NPAS1: variants seen among roughly 807,000 people sequenced by gnomAD.
NPAS1 encodes the protein neuronal PAS domain protein 1.
Under a neutral mutation model 49.2 loss-of-function variants are expected in NPAS1, and 29 were observed. The observed-to-expected ratio is 0.59, with a 90% confidence interval of 0.44 to 0.80. The LOEUF is 0.80. NPAS1 is among the 30% of genes least tolerant of loss of function. The pLI is 0.00. For synonymous variants in NPAS1, 408 were observed against 380.4 expected (o/e 1.07, Z -0.84); for missense variants, 825 against 835.5 (o/e 0.99, Z 0.15).
chr19:47,021,115 G>C lies in NPAS1; in HGVS notation c.68G>C (p.Ser23Thr). Reference sequence around the variant, plus strand: ...AAATGCGTGGGAGGCCGCGGCGCCAGCGTCCCCTGGGACTTTCTACCCGGG... The same window carrying C: ...AAATGCGTGGGAGGCCGCGGCGCCACCGTCCCCTGGGACTTTCTACCCGGG... ...EVKCVGGRGA[S>T]VPWDFLPGLM... Residue 23 changes from serine to threonine, a missense_variant, in exon 2 of 12, where the codon AGC (serine) becomes ACC (threonine). Coordinates refer to ENST00000602212, the MANE Select transcript of NPAS1 (RefSeq NM_002517.4). This position sits in a 1 kb window ranked among gnomAD's most constrained non-coding sequence, Gnocchi z 5.7. 1 of 1,602,522 alleles carries C rather than the reference G, an allele frequency of 6.2e-7. No homozygotes were observed. The highest frequency in any genetic ancestry group is 1.7e-4 in the Middle Eastern group (1 of 5,982).
At chr19:47,032,444 G>T (rs552462801) in intron 4 of NPAS1, 93 bp downstream of exon 4, 39 of 1,374,308 alleles carry the variant, frequency 2.8e-5, no homozygotes, top group African/African-American at 2.0e-4. Context: ...CATCTATTGT[G>T]GGGGGTACCT....
intron 3 of NPAS1, among the ~76,000 whole-genome samples, chr19:47,024,640 T>A (rs1435938941): frequency 2.0e-5 from 3 of 152,118 alleles, no homozygotes. Context: ...AGGCCGCCTC[T>A]CAACCATCAT....
chr19:47,032,360 G>A lies in NPAS1; in HGVS notation c.432+9G>A. The A allele has an allele frequency of 6.2e-7, 1 of 1,613,696 alleles. No homozygotes were observed. Among genetic ancestry groups the A allele is most frequent in the South Asian group, 1.1e-5 (1 of 91,068 alleles). ...GAGGTCACATCTTGCAGGTGAGTGA[G>A]GCCCCTTCCCTGCCTGCCGCTCCTT... is the stretch of plus-strand genomic sequence containing the variant. On this transcript the variant is annotated intron_variant, in intron 4 of 11. Transcript: ENST00000602212.
intron 11 of NPAS1, among the ~76,000 whole-genome samples, chr19:47,044,650 C>G (rs973063085): frequency 7.2e-5 from 11 of 152,206 alleles, no homozygotes; most frequent in African/African-American, 1.7e-4. Flanking sequence ...GCATCCCTGG[C>G]CTCTACCCTC....
At chr19:47,040,746 G>C (rs905704164) in intron 9 of NPAS1, 196 bp downstream of exon 9, 4 of 598,902 alleles carry the variant, frequency 6.7e-6, no homozygotes, top group East Asian at 2.9e-5. Flanking sequence ...TGTGGGGGGG[G>C]GGTCTGGGGG....
rs375265426 is a variant in NPAS1 at position 47,045,076 on chromosome 19, AC to A, written c.1313-111del. 9.6e-5 allele frequency: 92 copies of A among 959,548 alleles called. No individual in the cohort carries two copies. The African/African-American group carries it at 1.5e-3, about 16-fold the overall frequency. The allele number at this position is 959,548 out of a possible 1,614,324, so 59.4% of individuals were successfully genotyped here. ...ACAAAACAAACAAACAAAAAAAAAA[AC>A]CCCACTCCCAGCTGAGAACTACAGG... On this transcript the variant is annotated intron_variant, in intron 11 of 11. Coordinates refer to ENST00000602212, the MANE Select transcript of NPAS1 (RefSeq NM_002517.4).
In NPAS1 at chr19:47,032,321, C is replaced by T. The variant is rs773445680; in HGVS notation, c.402C>T (p.Phe134=). 18 of 1,614,076 alleles carry T rather than the reference C, an allele frequency of 1.1e-5. No individual in the cohort carries two copies. Among genetic ancestry groups the T allele is most frequent in the African/African-American group, 4.0e-5 (3 of 75,042 alleles). ...RGPAALVSEV[F]EQHLGGHILQ... ...CCGCAGCGCTGGTCTCCGAAGTCTT[C>T]GAGCAGCACCTGGGAGGTCACATCT... is the stretch of plus-strand genomic sequence containing the variant. The change falls in exon 4 of 12, where the codon TTC becomes TTT. Residue 134 remains phenylalanine, a synonymous_variant. Transcript: ENST00000602212.
chr19:47,027,608 C>T (rs1249532974), intron 3 of NPAS1, among the ~76,000 whole-genome samples: 1 of 60,740 alleles, frequency 1.6e-5, no homozygotes, highest in African/African-American at 7.0e-5. Flanking sequence ...GTCTCTCTGC[C>T]CCTGGTCTCC....
chr19:47,041,208 G>A, intron 10 of NPAS1, 83 bp downstream of exon 10: 1 of 1,362,014 alleles, frequency 7.3e-7, no homozygotes, highest in Non-Finnish European at 9.7e-7. Flanking sequence ...CTTTGGGGAG[G>A]GCTTCTAGAA....
At chr19:47,037,338 C>CAAAAAAAAAAAAAAAA (rs869125845) in intron 6 of NPAS1, among the ~76,000 whole-genome samples, 1 of 51,812 alleles carries the variant, frequency 1.9e-5, no homozygotes, top group African/African-American at 8.2e-5. Flanking sequence ...ACTCCGTCTC[C>CAAAAAAAAAAAAAAAA]AAAAAAAAAA....
intron 6 of NPAS1, 118 bp downstream of exon 6, chr19:47,036,247 C>A: frequency 9.2e-7 from 1 of 1,088,120 alleles, no homozygotes; most frequent in Non-Finnish European, 1.3e-6. Flanking sequence ...CTGTGTAGAA[C>A]GAATCTTTGC....
intron 3 of NPAS1, among the ~76,000 whole-genome samples, chr19:47,031,615 C>G (rs1023746960): frequency 9.3e-5 from 14 of 151,080 alleles, no homozygotes; most frequent in African/African-American, 3.4e-4. Flanking sequence ...ACTGCAACCT[C>G]TGCCTCCCGG....
chr19:47,023,189 C>G lies in NPAS1; in HGVS notation c.358+1342C>G, dbSNP rs561072828. ...CGCGGAGAGAATGCGGCATTAGCGC[C>G]GCTGATTACTGTCATTACCGCGAAC... On this transcript the variant is annotated intron_variant, in intron 3 of 11. Coordinates refer to ENST00000602212, the MANE Select transcript of NPAS1 (RefSeq NM_002517.4). Among the ~76,000 whole-genome samples the G allele has an allele frequency of 1.6e-4, 25 of 152,214 alleles. No individual in the cohort carries two copies. The South Asian group carries it at 5.2e-3, about 32-fold the overall frequency.
chr19:47,025,398 C>T lies in NPAS1; in HGVS notation c.358+3551C>T, dbSNP rs1376677867. Among the ~76,000 whole-genome samples the T allele has an allele frequency of 9.0e-5, 12 of 133,006 alleles. 4 individuals are homozygous for T. Among genetic ancestry groups the T allele is most frequent in the Non-Finnish European group, 2.0e-4 (12 of 59,156 alleles). The allele number at this position is 133,006 out of a possible 152,430, so 87.3% of individuals were successfully genotyped here. A position where few individuals can be genotyped will look rare whatever the true frequency, so the allele number is the denominator to read the frequency against. On this transcript the variant is annotated intron_variant, in intron 3 of 11. Transcript: ENST00000602212. ...GGTTCAAGCGATTCTCCTGCTTCAG[C>T]CTCCCTAATAGCTGGGATTACAGGC...
intron 3 of NPAS1, among the ~76,000 whole-genome samples, chr19:47,031,450 G>A (rs984541923): frequency 7.9e-5 from 12 of 151,618 alleles, no homozygotes; most frequent in African/African-American, 2.7e-4. Context: ...TACCCTCCTC[G>A]GCCTCCCAAA....
intron 1 of NPAS1, 37 bp downstream of exon 1, chr19:47,020,034 C>A (rs2056828866): frequency 6.2e-6 from 2 of 320,010 alleles, no homozygotes; most frequent in South Asian, 3.0e-4. Context: ...AGGGGGACTT[C>A]TGGGTCCCAG....
intron 9 of NPAS1, 190 bp downstream of exon 9, chr19:47,040,740 G>T (rs3745616): frequency 0.29 from 165,370 of 572,040 alleles, 24,309 homozygotes; most frequent in South Asian, 0.46. Context: ...TGTGTGTGTG[G>T]GGGGGGGGTC....
intron 3 of NPAS1, among the ~76,000 whole-genome samples, chr19:47,025,927 C>T (rs986892718): frequency 4.0e-5 from 6 of 149,910 alleles, no homozygotes; most frequent in African/African-American, 7.4e-5. Context: ...GAGGAAGTAA[C>T]GTTTTTTTGT....
chr19:47,024,774 A>T (rs2056861153), intron 3 of NPAS1, among the ~76,000 whole-genome samples: 1 of 150,002 alleles, frequency 6.7e-6, no homozygotes, highest in East Asian at 2.0e-4. Flanking sequence ...TCTGGAGAGG[A>T]GACCGCCCAA....
Sources: allele counts gnomAD v4.1 joint callset (sites outside exome capture counted in the v4.1 genomes callset), GRCh38; gene constraint gnomAD v4.1.1; non-coding constraint Gnocchi (gnomAD v3.1); transcripts MANE v1.5; gene names NCBI Gene and HGNC (gene_info 2026-07-23, HGNC 2026-07-21).